SNX29: variants seen among roughly 807,000 people sequenced by gnomAD.
SNX29 encodes sorting nexin-29.
Under a neutral mutation model 102.1 loss-of-function variants are expected in SNX29, and 78 were observed. The observed-to-expected ratio is 0.76, with a 90% CI of 0.64 to 0.92. The LOEUF (loss-of-function observed/expected upper bound fraction) is 0.92, where lower values mean the gene tolerates loss of function less well. SNX29 is among the 40% of genes least tolerant of loss of function. The probability of loss-of-function intolerance (pLI) is 0.00; values close to 1 mark genes in which losing one functional copy is unlikely to be tolerated. For synonymous variants in SNX29, 580 were observed against 414.5 expected (o/e 1.40, Z -4.85); for missense variants, 1,280 against 1,061.7 (o/e 1.21, Z -2.86).
intron 15 of SNX29, among the ~76,000 whole-genome samples, chr16:12,312,699 G>C (rs2080599492): frequency 6.6e-6 from 1 of 151,466 alleles, no homozygotes; most frequent in Non-Finnish European, 1.5e-5. Context: ...AGGGGGAAGA[G>C]CTTCCAAGTG....
intron 14 of SNX29, among the ~76,000 whole-genome samples, chr16:12,211,476 T>G (rs1158671341): frequency 6.6e-6 from 1 of 152,120 alleles, no homozygotes; most frequent in East Asian, 1.9e-4. Context: ...TTTACAGATG[T>G]GAGAAACCAA....
At chr16:12,004,558 C>T (rs1011296897) in intron 3 of SNX29, among the ~76,000 whole-genome samples, 1 of 152,066 alleles carries the variant, frequency 6.6e-6, no homozygotes, top group Admixed American at 6.6e-5. Context: ...GAGGGACATT[C>T]CTGTGTGGGA....
chr16:12,006,815 C>T (rs1000108437), intron 3 of SNX29, among the ~76,000 whole-genome samples: 2 of 152,094 alleles, frequency 1.3e-5, no homozygotes, highest in African/African-American at 4.8e-5. Flanking sequence ...GATGGGGTCT[C>T]ACTATGTTGC....
chr16:12,330,801 A>G lies in SNX29; in HGVS notation c.1783-25362A>G, dbSNP rs939293457. 2.6e-5 allele frequency among the ~76,000 whole-genome samples: 4 copies of G among 152,310 alleles called. No individual in the cohort carries two copies. The South Asian group carries it at 6.2e-4, about 24-fold the overall frequency. On this transcript the variant is annotated intron_variant, in intron 15 of 20. Transcript: ENST00000566228. ...ATTCTATTTGGTCACTCAGCAGCCC[A>G]GTGTAGGTCTGGCGGATGGAGGAGT...
intron 18 of SNX29, among the ~76,000 whole-genome samples, chr16:12,428,068 C>T (rs1462681715): frequency 6.6e-6 from 1 of 152,208 alleles, no homozygotes; most frequent in African/African-American, 2.4e-5. Flanking sequence ...GCCTTAGATT[C>T]AATACACACT....
rs1050806789 is a variant in SNX29, at chr16:12,569,343, A to C, written c.*714A>C. On this transcript the variant is annotated 3_prime_UTR_variant, in exon 21 of 21. Transcript: ENST00000566228. ...TGCCCTCCATAGCCTGAGGCCACCT[A>C]GGCCCTCGCCAGGCTTGGAGTGGGG... The C allele has an allele frequency of 6.6e-4, 152 of 230,192 alleles. No homozygotes were observed. The highest frequency in any genetic ancestry group is 1.1e-3 in the Non-Finnish European group (128 of 116,106). 14.3% of individuals were successfully genotyped at this position (230,192 alleles called of 1,614,324 possible).
chr16:12,526,777 C>T (rs1051597650), intron 20 of SNX29: 1 of 425,096 alleles, frequency 2.4e-6, no homozygotes, highest in Non-Finnish European at 4.4e-6. Context: ...AAGTCAGTGT[C>T]CCCCACCCCC....
intron 13 of SNX29, among the ~76,000 whole-genome samples, chr16:12,182,457 G>A (rs1216929066): frequency 1.3e-5 from 2 of 152,114 alleles, no homozygotes; most frequent in Non-Finnish European, 2.9e-5. Flanking sequence ...TCTGATGGCT[G>A]CTAACGCTTG....
At chr16:12,276,665 C>T (rs1421952305) in intron 14 of SNX29, among the ~76,000 whole-genome samples, 2 of 152,194 alleles carry the variant, frequency 1.3e-5, no homozygotes, top group African/African-American at 2.4e-5. Context: ...GAGGCTAATC[C>T]ACATTCTTAA....
chr16:12,546,511 T>G (rs1352942564), intron 20 of SNX29: 2 of 152,182 alleles, frequency 1.3e-5, no homozygotes, highest in African/African-American at 2.4e-5. Context: ...GCCCCTGTGA[T>G]TCAATTATCT....
Position 12,570,960 on chromosome 16 carries a change from C to G in SNX29, c.*2331C>G, listed in dbSNP as rs762538680. 1.7e-5 allele frequency: 4 copies of G among 232,336 alleles called. No homozygotes were observed. In the Admixed American group the frequency reaches 2.3e-4, roughly 13 times the overall value. The allele number at this position is 232,336 out of a possible 1,614,324, so 14.4% of individuals were successfully genotyped here. A position where few individuals can be genotyped will look rare whatever the true frequency, so the allele number is the denominator to read the frequency against. On this transcript the variant is annotated 3_prime_UTR_variant, in exon 21 of 21. Coordinates refer to ENST00000566228, the MANE Select transcript of SNX29 (RefSeq NM_032167.5). Reference sequence around the variant, plus strand: ...GGAGCCACATGGGGACCATCCCCAGCTGCCTGCTCCTGGTACCTCCCCCAT... The same window carrying G: ...GGAGCCACATGGGGACCATCCCCAGGTGCCTGCTCCTGGTACCTCCCCCAT...
chr16:12,344,500 A>G (rs1185173013), intron 15 of SNX29, among the ~76,000 whole-genome samples: 1 of 152,188 alleles, frequency 6.6e-6, no homozygotes, highest in Admixed American at 6.5e-5. Context: ...GGGTTTGGCA[A>G]ATGGTAGATG....
intron 11 of SNX29, among the ~76,000 whole-genome samples, chr16:12,121,155 T>A (rs1357462777): frequency 3.3e-5 from 5 of 152,214 alleles, no homozygotes; most frequent in African/African-American, 1.2e-4. Flanking sequence ...GGTACTCAAG[T>A]GACCCACAGG....
intron 20 of SNX29, among the ~76,000 whole-genome samples, chr16:12,563,436 T>C (rs1219318132): frequency 2.0e-5 from 3 of 152,190 alleles, no homozygotes; most frequent in Admixed American, 6.5e-5. Context: ...CGGTATGTCC[T>C]TTGCAGGTAA....
intron 12 of SNX29, 38 bp from the exon 13 acceptor site, chr16:12,129,592 T>A: frequency 6.3e-7 from 1 of 1,579,844 alleles, no homozygotes. Context: ...GGGGTCTGGG[T>A]TGACAGCTTC....
At chr16:12,280,246 C>T (rs538025252) in intron 15 of SNX29, among the ~76,000 whole-genome samples, 18 of 152,326 alleles carry the variant, frequency 1.2e-4, no homozygotes, top group African/African-American at 4.3e-4. Flanking sequence ...GGGTCGGGAA[C>T]AGAGTAGATG....
intron 13 of SNX29, among the ~76,000 whole-genome samples, chr16:12,184,873 C>G (rs546064313): frequency 2.0e-5 from 3 of 152,342 alleles, no homozygotes; most frequent in East Asian, 3.9e-4. Context: ...TCAACTCTTG[C>G]AGTCATTAGC....
At chr16:12,029,755 C>G (rs192127322) in intron 4 of SNX29, 117 of 357,696 alleles carry the variant, frequency 3.3e-4, no homozygotes, top group African/African-American at 2.3e-3. Context: ...CCATGTCTGG[C>G]TAATTTTTGT....
intron 20 of SNX29, among the ~76,000 whole-genome samples, chr16:12,543,949 A>T (rs561422588): frequency 9.9e-5 from 15 of 152,182 alleles, no homozygotes. Context: ...CTAAGCGAGG[A>T]GCCTATCTGC....
Sources: gnomAD v4.1 joint callset for allele counts (sites outside exome capture counted in the v4.1 genomes callset) on GRCh38, gnomAD v4.1.1 for gene constraint, MANE v1.5 for transcripts, NCBI Gene and HGNC (gene_info 2026-07-23, HGNC 2026-07-21) for gene names.